Variants in PCNX2 observed in about 807,000 individuals in gnomAD.
PCNX2 encodes the protein pecanex-like protein 2.
A neutral mutation model predicts 223.8 loss-of-function variants in PCNX2; 168 were observed. The ratio of observed to expected loss-of-function variants is 0.75; its 90% CI spans 0.66 to 0.85. The LOEUF (loss-of-function observed/expected upper bound fraction) is 0.85, where lower values mean the gene tolerates loss of function less well. Ranked by LOEUF, PCNX2 falls within the 40% of genes least tolerant of loss-of-function variation. PCNX2 has a pLI of 0.00. For missense variants in PCNX2, 2,507 were observed against 2,675.5 expected, an observed-to-expected ratio of 0.94 and a Z score of 1.39; for synonymous variants, 1,006 against 1,052.6, an observed-to-expected ratio of 0.96 and a Z score of 0.86.
chr1:233,005,446 A>C (rs1441813493), intron 28 of PCNX2, among the ~76,000 whole-genome samples: 1 of 152,212 alleles, frequency 6.6e-6, no homozygotes, highest in Non-Finnish European at 1.5e-5. Context: ...AAGAGGCTTG[A>C]GTTCCATCAA....
chr1:233,225,414 A>T (rs557902902), intron 10 of PCNX2, among the ~76,000 whole-genome samples: 26 of 152,256 alleles, frequency 1.7e-4, no homozygotes, highest in South Asian at 2.1e-4. Context: ...CCATCCTAAG[A>T]TCATAGCACT....
chr1:233,196,051 G>A (rs918758715), intron 15 of PCNX2, among the ~76,000 whole-genome samples: 17 of 152,072 alleles, frequency 1.1e-4, no homozygotes, highest in African/African-American at 3.6e-4. Context: ...TAAAAACAAT[G>A]TAATACTAAC....
At chr1:233,167,818 T>C (rs1179557659) in intron 17 of PCNX2, 3 of 974,628 alleles carry the variant, frequency 3.1e-6, no homozygotes, top group African/African-American at 3.5e-5. Flanking sequence ...GTAACTTTGG[T>C]TGGTTTTCTT....
chr1:233,136,914 CTT>C (rs1334479758), intron 20 of PCNX2, among the ~76,000 whole-genome samples: 3 of 152,156 alleles, frequency 2.0e-5, no homozygotes, highest in Non-Finnish European at 4.4e-5. Context: ...GCAAATCTAA[CTT>C]TCTGTTTCTG....
chr1:233,115,283 T>G (rs932617543), intron 21 of PCNX2, among the ~76,000 whole-genome samples: 1 of 151,146 alleles, frequency 6.6e-6, no homozygotes, highest in South Asian at 2.1e-4. Context: ...AATAGAATGC[T>G]CCCCCTACCC....
chr1:233,273,539 T>A (rs574682466), intron 1 of PCNX2, among the ~76,000 whole-genome samples: 91 of 152,318 alleles, frequency 6.0e-4, no homozygotes, highest in African/African-American at 2.2e-3. Flanking sequence ...TTAGTTTGAT[T>A]CTTGCAAAGG....
intron 13 of PCNX2, among the ~76,000 whole-genome samples, chr1:233,205,420 A>G (rs1168262629): frequency 6.6e-6 from 1 of 152,220 alleles, no homozygotes; most frequent in African/African-American, 2.4e-5. Flanking sequence ...TTGGCCGGGC[A>G]TGGTGGCTCA....
chr1:233,034,636 T>C, intron 25 of PCNX2, among the ~76,000 whole-genome samples: 1 of 152,346 alleles, frequency 6.6e-6, no homozygotes, highest in South Asian at 2.1e-4. Context: ...TAGACACACC[T>C]GCCAAGATGG....
At chr1:233,316,275 AAC>A in the PCNX2 span, among the ~76,000 whole-genome samples, 2 of 152,352 alleles carry the variant, frequency 1.3e-5, no homozygotes, top group African/African-American at 4.8e-5. Flanking sequence ...AGAGTAACCT[AAC>A]ACAGGCTGAA....
At chr1:233,293,878 C>G (rs1192012321) in intron 1 of PCNX2, 1 of 871,242 alleles carries the variant, frequency 1.1e-6, no homozygotes, top group Non-Finnish European at 1.4e-6. Context: ...GGCTGTGCTC[C>G]TCATGACTTT....
intron 17 of PCNX2, among the ~76,000 whole-genome samples, chr1:233,163,753 CTT>C (rs1314007644): frequency 6.6e-6 from 1 of 151,890 alleles, no homozygotes; most frequent in Non-Finnish European, 1.5e-5. Context: ...GCCTCAGCCT[CTT>C]GTTTTCATTT....
rs1572032208 is a variant in PCNX2 at position 233,033,988 on chromosome 1, T to C, written c.4352-8589A>G. Among the ~76,000 whole-genome samples the C allele has an allele frequency of 2.0e-5, 3 of 151,996 alleles. No homozygotes were observed. In the South Asian group the frequency reaches 6.2e-4, roughly 32 times the overall value. On this transcript the variant is annotated intron_variant, in intron 25 of 33. Coordinates refer to ENST00000258229, the MANE Select transcript of PCNX2 (RefSeq NM_014801.4). The stretch of plus-strand genomic sequence containing the variant: ...CAGCACTTTGGGAGGCTGAGGCAGG[T>C]GGATCATGAGGTCAAGAGATCGAGA...
intron 23 of PCNX2, among the ~76,000 whole-genome samples, chr1:233,082,372 G>C (rs1369386430): frequency 6.6e-6 from 1 of 152,116 alleles, no homozygotes; most frequent in African/African-American, 2.4e-5. Flanking sequence ...ACCTAAGTAT[G>C]GGTCTGAAAG....
chr1:233,243,836 T>TAC, intron 8 of PCNX2, among the ~76,000 whole-genome samples: 1 of 146,352 alleles, frequency 6.8e-6, no homozygotes, highest in African/African-American at 2.7e-5. Context: ...ATTTTTTATT[T>TAC]TTTATTTTTT....
chr1:233,289,708 T>C (rs1187335088), intron 1 of PCNX2, among the ~76,000 whole-genome samples: 3 of 152,228 alleles, frequency 2.0e-5, no homozygotes, highest in African/African-American at 7.2e-5. Flanking sequence ...AAAGAAAGCA[T>C]GGACTATGTG....
At chr1:233,260,546 T>C (rs1659992078) in intron 4 of PCNX2, among the ~76,000 whole-genome samples, 1 of 152,158 alleles carries the variant, frequency 6.6e-6, no homozygotes, top group Non-Finnish European at 1.5e-5. Context: ...AGAAAAAATA[T>C]GGATAATCCT....
At chr1:233,045,788 C>T (rs2102864782) in intron 25 of PCNX2, among the ~76,000 whole-genome samples, 1 of 152,324 alleles carries the variant, frequency 6.6e-6, no homozygotes, top group South Asian at 2.1e-4. Context: ...GCTGCGGTGG[C>T]AGTAGCAGTG....
At chr1:233,246,183 C>G (rs34193909) in intron 8 of PCNX2, among the ~76,000 whole-genome samples, 13,734 of 150,104 alleles carry the variant, frequency 0.091, 856 homozygotes, top group Non-Finnish European at 0.14. Flanking sequence ...GATAAATGCC[C>G]TTCAGATGGG....
At chr1:233,023,350 T>C (rs942698735) in intron 26 of PCNX2, among the ~76,000 whole-genome samples, 2 of 152,186 alleles carry the variant, frequency 1.3e-5, no homozygotes, top group Non-Finnish European at 2.9e-5. Context: ...CCAGGTGGCA[T>C]GTGACAATGT....
Sources: allele counts gnomAD v4.1 joint callset (sites outside exome capture counted in the v4.1 genomes callset), GRCh38; gene constraint gnomAD v4.1.1; transcripts MANE v1.5; gene names NCBI Gene and HGNC (gene_info 2026-07-23, HGNC 2026-07-21).